Variants in KLC1 observed in about 807,000 individuals in gnomAD.
KLC1 encodes kinesin 2 60/70kDa.
A neutral mutation model predicts 84.2 loss-of-function variants in KLC1; 30 were observed. The ratio of observed to expected loss-of-function variants is 0.36; its 90% CI spans 0.27 to 0.48. KLC1 has a LOEUF of 0.48. Ranked by LOEUF, KLC1 falls within the 20% of genes least tolerant of loss-of-function variation. The probability of loss-of-function intolerance (pLI) is 0.99; values close to 1 mark genes in which losing one functional copy is unlikely to be tolerated. For synonymous variants in KLC1, 289 were observed against 293.3 expected, an observed-to-expected ratio of 0.99 and a Z score of 0.15; for missense variants, 499 against 805.4, an observed-to-expected ratio of 0.62 and a Z score of 4.60.
chr14:103,685,090 C>A, intron 13 of KLC1: 1 of 1,532,650 alleles, frequency 6.5e-7, no homozygotes, highest in Admixed American at 2.1e-5. Context: ...TCTGTCGAGA[C>A]GTCGGCTTTC....
intron 3 of KLC1, among the ~76,000 whole-genome samples, chr14:103,661,726 C>T (rs1357950704): frequency 6.6e-6 from 1 of 152,160 alleles, no homozygotes; most frequent in Non-Finnish European, 1.5e-5. Flanking sequence ...CTAGCCCCTC[C>T]ACTTCTCTGG....
intron 5 of KLC1, among the ~76,000 whole-genome samples, chr14:103,667,314 G>A (rs2079949274): frequency 6.6e-6 from 1 of 151,264 alleles, no homozygotes; most frequent in Admixed American, 6.6e-5. Flanking sequence ...GTCTTGCTAT[G>A]TTGGTTGATC....
At chr14:103,669,437 A>AAAAAGAAAAAAAAAG (rs145739696) in intron 5 of KLC1, 74 bp from the exon 6 acceptor site, 140,855 of 852,620 alleles carry the variant, frequency 0.17, 15,937 homozygotes, top group East Asian at 0.39. Flanking sequence ...CTGTCTAAAA[A>AAAAAGAAAAAAAAAG]AAAAGAAAAG....
chr14:103,642,118 C>T (rs146018009), intron 1 of KLC1, among the ~76,000 whole-genome samples: 1,926 of 152,104 alleles, frequency 0.013, 25 homozygotes, highest in Non-Finnish European at 0.016. Flanking sequence ...TTAGTAGAGA[C>T]GGGGTTTCAC....
chr14:103,644,538 G>C (rs553969632), intron 1 of KLC1, among the ~76,000 whole-genome samples: 28 of 152,174 alleles, frequency 1.8e-4, no homozygotes, highest in African/African-American at 6.5e-4. Context: ...GGACTAAGGC[G>C]TGAGCCACCG....
intron 1 of KLC1, among the ~76,000 whole-genome samples, chr14:103,649,657 T>G (rs1222847476): frequency 6.7e-6 from 1 of 149,604 alleles, no homozygotes; most frequent in Non-Finnish European, 1.5e-5. Context: ...TGTTGAACAA[T>G]AGCCTTAAAG....
At chr14:103,675,646 A>G (rs2080814400) in intron 10 of KLC1, 43 bp from the exon 11 acceptor site, 2 of 1,601,608 alleles carry the variant, frequency 1.2e-6, no homozygotes, top group Admixed American at 1.7e-5. Flanking sequence ...TATATACTGC[A>G]TTCAAGATAA....
At chr14:103,658,871 A>G (rs1388412235) in intron 3 of KLC1, among the ~76,000 whole-genome samples, 2 of 151,102 alleles carry the variant, frequency 1.3e-5, no homozygotes, top group Non-Finnish European at 2.9e-5. Context: ...GTTAGCCAGG[A>G]TGGTCTTGAT....
At chr14:103,689,611 C>T (rs2081974479) in intron 14 of KLC1, among the ~76,000 whole-genome samples, 1 of 152,190 alleles carries the variant, frequency 6.6e-6, no homozygotes, top group African/African-American at 2.4e-5. Flanking sequence ...GTTTCCAATT[C>T]CTGAGTCCCT....
chr14:103,696,308 TGCCCGCGGGTGGC>T, intron 15 of KLC1: 1 of 984,532 alleles, frequency 1.0e-6, no homozygotes, highest in Non-Finnish European at 1.2e-6. Context: ...AGGCCGGTGG[TGCCCGCGGGTGGC>T]ACGGGGCACT....
chr14:103,629,540 T>G (rs2076501694), intron 1 of KLC1, 46 bp downstream of exon 1: 1 of 152,196 alleles, frequency 6.6e-6, no homozygotes, highest in Admixed American at 6.6e-5. Context: ...CTCCTCATCC[T>G]CCGCCCCGTC....
At chr14:103,695,786 C>T (rs1010716107) in intron 15 of KLC1, 3 of 985,346 alleles carry the variant, frequency 3.0e-6, no homozygotes, top group Non-Finnish European at 3.6e-6. Flanking sequence ...TGTGGGAGCA[C>T]TGTGTGTTGG....
At chr14:103,635,029 T>G (rs77206284) in intron 1 of KLC1, among the ~76,000 whole-genome samples, 2,618 of 152,318 alleles carry the variant, frequency 0.017, 67 homozygotes, top group African/African-American at 0.056. Flanking sequence ...ATTATGATTT[T>G]TTTTTAGTTT....
chr14:103,700,992 C>T (rs919180258), intron 16 of KLC1, among the ~76,000 whole-genome samples: 1 of 152,210 alleles, frequency 6.6e-6, no homozygotes, highest in East Asian at 1.9e-4. Flanking sequence ...CCGTGCCAGA[C>T]GCAGGCCTTT....
At chr14:103,644,180 A>T (rs2077711420) in intron 1 of KLC1, among the ~76,000 whole-genome samples, 1 of 143,830 alleles carries the variant, frequency 7.0e-6, no homozygotes, top group Non-Finnish European at 1.5e-5. Context: ...GCACCACTGC[A>T]CATCAGCCTG....
chr14:103,677,232 A>G (rs1427896251), intron 11 of KLC1, among the ~76,000 whole-genome samples, 183 bp from the exon 12 acceptor site: 1 of 152,214 alleles, frequency 6.6e-6, no homozygotes, highest in Non-Finnish European at 1.5e-5. Flanking sequence ...GGGTCATGGG[A>G]GGTAGAGCTA....
chr14:103,686,165 A>C, intron 13 of KLC1: 1 of 988,972 alleles, frequency 1.0e-6, no homozygotes, highest in Non-Finnish European at 1.2e-6. Flanking sequence ...ACTAATCTTG[A>C]AGTGCTCAGT....
chr14:103,698,281 T>G, intron 15 of KLC1: 1 of 172,836 alleles, frequency 5.8e-6, no homozygotes, highest in Non-Finnish European at 1.2e-5. Flanking sequence ...GACCCAGAGG[T>G]GGGTGAGGAG....
chr14:103,695,337 G>GTA (rs1397221502), intron 15 of KLC1: 1 of 526,118 alleles, frequency 1.9e-6, no homozygotes, highest in African/African-American at 3.6e-5. Context: ...ATGTGTGTGT[G>GTA]TGTATATATA....
Sources: gnomAD v4.1 joint callset for allele counts (sites outside exome capture counted in the v4.1 genomes callset) on GRCh38, gnomAD v4.1.1 for gene constraint, MANE v1.5 for transcripts, NCBI Gene and HGNC (gene_info 2026-07-23, HGNC 2026-07-21) for gene names.